NRP1: variants seen among roughly 807,000 people sequenced by gnomAD.
NRP1 encodes the protein neuropilin 1, also known as neuropilin-1.
A neutral mutation model predicts 106.7 loss-of-function variants in NRP1; 35 were observed. The observed-to-expected ratio is 0.33, with a 90% CI of 0.25 to 0.43. The LOEUF is 0.43. Ranked by LOEUF, NRP1 falls within the 20% of genes least tolerant of loss-of-function variation. The pLI is 1.00. For synonymous variants in NRP1, 437 were observed against 417.9 expected (o/e 1.05, Z -0.56); for missense variants, 1,024 against 1,170.4 (o/e 0.87, Z 1.83).
intron 10 of NRP1, 58 bp downstream of exon 10, chr10:33,207,514 A>G: frequency 6.2e-7 from 1 of 1,602,080 alleles, no homozygotes; most frequent in South Asian, 1.1e-5. Flanking sequence ...AGGGGCATAA[A>G]TGCATGGAAG....
chr10:33,248,764 T>C (rs531039322), intron 6 of NRP1, among the ~76,000 whole-genome samples: 5 of 152,210 alleles, frequency 3.3e-5, no homozygotes, highest in African/African-American at 4.8e-5. Context: ...TGTGGTCTTA[T>C]AGGTACAGAC....
intron 4 of NRP1, among the ~76,000 whole-genome samples, chr10:33,260,869 C>T (rs1842519946): frequency 6.6e-6 from 1 of 151,892 alleles, no homozygotes; most frequent in Admixed American, 6.6e-5. Context: ...TAAAAGCCTT[C>T]CACGCCTTCT....
chr10:33,197,228 T>A (rs1836852942), intron 12 of NRP1, among the ~76,000 whole-genome samples: 1 of 152,174 alleles, frequency 6.6e-6, no homozygotes, highest in African/African-American at 2.4e-5. Flanking sequence ...GAAACACTGT[T>A]GTAAAACTGC....
At chr10:33,281,223 T>C (rs762631598) in intron 2 of NRP1, among the ~76,000 whole-genome samples, 19 of 152,192 alleles carry the variant, frequency 1.2e-4, no homozygotes, top group Non-Finnish European at 2.5e-4. Context: ...CTAATTTTTG[T>C]ACTTTTAGTA....
chr10:33,312,540 C>T lies in NRP1; in HGVS notation c.248+18168G>A, dbSNP rs115787367. On this transcript the variant is annotated intron_variant, in intron 2 of 16. Transcript: ENST00000374867. ...TATTGTAGGAATAAATGAATCTGAA[C>T]GTGGTATTTACAGTGTGATTTGCTT... 6.9e-3 allele frequency among the ~76,000 whole-genome samples: 1,047 copies of T among 152,312 alleles called. 13 individuals carry two copies. Among genetic ancestry groups the T allele is most frequent in the African/African-American group, 0.024 (994 of 41,578 alleles).
intron 8 of NRP1, among the ~76,000 whole-genome samples, chr10:33,219,499 A>G (rs1439669228): frequency 6.6e-6 from 1 of 152,280 alleles, no homozygotes; most frequent in Non-Finnish European, 1.5e-5. Context: ...GACTAGCACT[A>G]GGAACTGAAA....
At chr10:33,259,863 TC>T (rs1842457542) in intron 4 of NRP1, among the ~76,000 whole-genome samples, 1 of 152,124 alleles carries the variant, frequency 6.6e-6, no homozygotes, top group Non-Finnish European at 1.5e-5. Context: ...TTTTTTTTTT[TC>T]TTTTTTAGAG....
chr10:33,271,022 G>A (rs898189331), intron 2 of NRP1, among the ~76,000 whole-genome samples, 166 bp from the exon 3 acceptor site: 1 of 152,076 alleles, frequency 6.6e-6, no homozygotes, highest in Non-Finnish European at 1.5e-5. Flanking sequence ...CTAGCAAAAT[G>A]AAATAATTAA....
At chr10:33,332,192 G>A (rs1292245581) in intron 1 of NRP1, among the ~76,000 whole-genome samples, 1 of 152,188 alleles carries the variant, frequency 6.6e-6, no homozygotes, top group African/African-American at 2.4e-5. Flanking sequence ...ATCGCTAGGT[G>A]CTTCTGACTT....
chr10:33,199,365 TTC>T lies in NRP1; in HGVS notation c.1865-1658_1865-1657del, dbSNP rs1554776920. ...GTGTGCGCCACCATGCCTGGCTGTT[TTC>T]TATATATATATATATATATATATTT... On this transcript the variant is annotated intron_variant, in intron 11 of 16. Coordinates refer to ENST00000374867, the MANE Select transcript of NRP1 (RefSeq NM_003873.7). Among the ~76,000 whole-genome samples the T allele has an allele frequency of 2.8e-3, 181 of 63,932 alleles. 1 individual carries two copies. The highest frequency in any genetic ancestry group is 0.014 in the Middle Eastern group (2 of 142). 41.9% of individuals were successfully genotyped at this position (63,932 alleles called of 152,430 possible). A position where few individuals can be genotyped will look rare whatever the true frequency, so the allele number is the denominator to read the frequency against.
chr10:33,281,487 C>T (rs988119101), intron 2 of NRP1, among the ~76,000 whole-genome samples: 1 of 152,150 alleles, frequency 6.6e-6, no homozygotes, highest in Non-Finnish European at 1.5e-5. Flanking sequence ...ATCCAAAAGG[C>T]GGCTCCTCCA....
intron 2 of NRP1, among the ~76,000 whole-genome samples, chr10:33,298,687 A>G (rs1845587523): frequency 6.6e-6 from 1 of 152,090 alleles, no homozygotes; most frequent in Admixed American, 6.6e-5. Flanking sequence ...ATTTCAAGTT[A>G]TGTATTCTTA....
chr10:33,287,508 G>T (rs924754786), intron 2 of NRP1, among the ~76,000 whole-genome samples: 2 of 152,224 alleles, frequency 1.3e-5, no homozygotes, highest in African/African-American at 2.4e-5. Flanking sequence ...AAAGCTGAAA[G>T]AGGTTTTATG....
intron 6 of NRP1, among the ~76,000 whole-genome samples, chr10:33,247,396 G>A (rs1300081684): frequency 6.6e-6 from 1 of 152,148 alleles, no homozygotes; most frequent in African/African-American, 2.4e-5. Context: ...AGTTGTAACA[G>A]GCAATTCAAA....
At chr10:33,204,102 A>C (rs2132716383) in intron 10 of NRP1, among the ~76,000 whole-genome samples, 1 of 152,270 alleles carries the variant, frequency 6.6e-6, no homozygotes, top group East Asian at 1.9e-4. Context: ...TTTTGGCATT[A>C]CGTTTCACTT....
At chr10:33,209,430 C>T (rs1034556093) in intron 9 of NRP1, among the ~76,000 whole-genome samples, 5 of 152,320 alleles carry the variant, frequency 3.3e-5, no homozygotes, top group African/African-American at 9.6e-5. Context: ...AACCACACCA[C>T]GATGCTGCCT....
chr10:33,296,329 C>A (rs1331489589), intron 2 of NRP1, among the ~76,000 whole-genome samples: 2 of 152,124 alleles, frequency 1.3e-5, no homozygotes, highest in African/African-American at 4.8e-5. Flanking sequence ...TGTTCTGGAG[C>A]CTTCTGGTCT....
intron 7 of NRP1, among the ~76,000 whole-genome samples, chr10:33,225,211 T>A (rs753171209): frequency 2.0e-5 from 3 of 152,184 alleles, no homozygotes; most frequent in Non-Finnish European, 4.4e-5. Flanking sequence ...GGGGTTTCAC[T>A]GCTAATCAAA....
chr10:33,190,792 A>G (rs763939799), intron 13 of NRP1, among the ~76,000 whole-genome samples: 4 of 150,976 alleles, frequency 2.6e-5, no homozygotes, highest in Non-Finnish European at 3.0e-5. Flanking sequence ...GTGTGTGTGT[A>G]TGTGTGTGTG....
Sources: allele counts gnomAD v4.1 joint callset (sites outside exome capture counted in the v4.1 genomes callset), GRCh38; gene constraint gnomAD v4.1.1; transcripts MANE v1.5; gene names NCBI Gene and HGNC (gene_info 2026-07-23, HGNC 2026-07-21).